CDH12: variants seen among roughly 807,000 people sequenced by gnomAD.
The protein encoded by CDH12 is cadherin 12.
Under a neutral mutation model 74.1 loss-of-function variants are expected in CDH12, and 41 were observed. The observed-to-expected ratio is 0.55, with a 90% CI of 0.43 to 0.72. The LOEUF (loss-of-function observed/expected upper bound fraction) is 0.72, where lower values mean the gene tolerates loss of function less well. Among genes scored for constraint, CDH12 ranks in the 30% least tolerant of loss-of-function variants. The probability of loss-of-function intolerance (pLI) is 0.00; values close to 1 mark genes in which losing one functional copy is unlikely to be tolerated. For missense variants in CDH12, 945 were observed against 977.2 expected, an observed-to-expected ratio of 0.97 and a Z score of 0.44; for synonymous variants, 399 against 355.0, an observed-to-expected ratio of 1.12 and a Z score of -1.39.
intron 1 of CDH12, among the ~76,000 whole-genome samples, chr5:22,638,123 C>T (rs1221633815): frequency 6.6e-6 from 1 of 152,150 alleles, no homozygotes; most frequent in Admixed American, 6.5e-5. Context: ...AATGAGGGAA[C>T]TCATGTATTA....
intron 3 of CDH12, among the ~76,000 whole-genome samples, chr5:22,327,948 C>CTGTA (rs1183816450): frequency 6.6e-6 from 1 of 152,106 alleles, no homozygotes; most frequent in African/African-American, 2.4e-5. Flanking sequence ...TGTTAGCTGG[C>CTGTA]TGTATATCCA....
intron 9 of CDH12, among the ~76,000 whole-genome samples, chr5:21,814,295 A>C (rs1747923853): frequency 6.6e-6 from 1 of 152,100 alleles, no homozygotes; most frequent in Non-Finnish European, 1.5e-5. Context: ...AGAAGAATAA[A>C]AATTCTAAAT....
rs552049709 is a variant in CDH12 at position 22,641,461 on chromosome 5, C to T, written c.-522-136097G>A. Among the ~76,000 whole-genome samples the T allele has an allele frequency of 5.3e-5, 8 of 152,140 alleles. No homozygotes were observed. The South Asian group carries it at 1.7e-3, about 32-fold the overall frequency. ...CTGTCCTCATAGAGAGCAGATCTTCCCCACTTGGTCTGCTGAATCACACAC... is the reference window on the plus strand; with the variant it reads ...CTGTCCTCATAGAGAGCAGATCTTCTCCACTTGGTCTGCTGAATCACACAC... On this transcript the variant is annotated intron_variant, in intron 1 of 14. Transcript: ENST00000382254.
chr5:22,608,938 G>C (rs1737256179), intron 1 of CDH12, among the ~76,000 whole-genome samples: 1 of 152,028 alleles, frequency 6.6e-6, no homozygotes, highest in African/African-American at 2.4e-5. Flanking sequence ...CTTTATAGTG[G>C]TGTGAGGACA....
intron 10 of CDH12, among the ~76,000 whole-genome samples, chr5:21,789,164 T>C (rs989297464): frequency 6.6e-6 from 1 of 152,190 alleles, no homozygotes; most frequent in African/African-American, 2.4e-5. Context: ...GATAATTGTA[T>C]GTATTATATA....
intron 1 of CDH12, among the ~76,000 whole-genome samples, chr5:22,706,883 AG>A (rs1743035465): frequency 6.6e-6 from 1 of 152,154 alleles, no homozygotes; most frequent in Admixed American, 6.6e-5. Context: ...ATTCTGAAAA[AG>A]GGGGAAAATC....
At chr5:22,491,310 C>T (rs936405840) in intron 2 of CDH12, among the ~76,000 whole-genome samples, 47 of 152,204 alleles carry the variant, frequency 3.1e-4, no homozygotes, top group African/African-American at 1.1e-3. Flanking sequence ...ATTCATGTTG[C>T]TGCAAAGCAC....
chr5:22,308,772 T>C (rs1738236220), intron 3 of CDH12, among the ~76,000 whole-genome samples: 1 of 150,704 alleles, frequency 6.6e-6, no homozygotes. Flanking sequence ...AAGGATATTA[T>C]TCAGCCTACA....
At chr5:22,172,080 A>G (rs1246305998) in intron 4 of CDH12, among the ~76,000 whole-genome samples, 3 of 151,940 alleles carry the variant, frequency 2.0e-5, no homozygotes, top group African/African-American at 7.2e-5. Context: ...TGCAGAAAAC[A>G]AATTACAGAA....
chr5:22,611,839 T>A (rs929715043), intron 1 of CDH12, among the ~76,000 whole-genome samples: 1 of 151,970 alleles, frequency 6.6e-6, no homozygotes, highest in African/African-American at 2.4e-5. Flanking sequence ...CACAGAAGAG[T>A]GCAGAGTGGA....
chr5:22,564,510 G>A (rs1739203017), intron 1 of CDH12, among the ~76,000 whole-genome samples: 1 of 152,040 alleles, frequency 6.6e-6, no homozygotes, highest in Non-Finnish European at 1.5e-5. Flanking sequence ...TGTAATAATT[G>A]TAATATTTTA....
At chr5:22,712,032 A>G (rs1743315762) in intron 1 of CDH12, among the ~76,000 whole-genome samples, 1 of 152,008 alleles carries the variant, frequency 6.6e-6, no homozygotes, top group Non-Finnish European at 1.5e-5. Flanking sequence ...GTTTATGCAC[A>G]TGTCTATTCC....
intron 6 of CDH12, among the ~76,000 whole-genome samples, chr5:21,936,965 CTT>C (rs1755101407): frequency 6.6e-6 from 1 of 152,172 alleles, no homozygotes; most frequent in African/African-American, 2.4e-5. Context: ...AAGTAAGCCT[CTT>C]TTGTTTATAA....
At chr5:22,206,083 T>G (rs2150358403) in intron 4 of CDH12, among the ~76,000 whole-genome samples, 1 of 152,276 alleles carries the variant, frequency 6.6e-6, no homozygotes, top group South Asian at 2.1e-4. Context: ...TCAAGAAGGT[T>G]GATCAACATC....
intron 1 of CDH12, among the ~76,000 whole-genome samples, chr5:22,844,315 C>T (rs1737207840): frequency 6.6e-6 from 1 of 152,076 alleles, no homozygotes; most frequent in African/African-American, 2.4e-5. Context: ...ACATGACCCA[C>T]ATTAATGTTA....
At chr5:22,046,979 G>T (rs1295506637) in intron 5 of CDH12, among the ~76,000 whole-genome samples, 2 of 152,148 alleles carry the variant, frequency 1.3e-5, no homozygotes, top group Non-Finnish European at 2.9e-5. Context: ...AGGGCTAGCT[G>T]CCCACTGTAG....
chr5:22,412,484 C>T (rs1743205987), intron 2 of CDH12, among the ~76,000 whole-genome samples: 1 of 151,976 alleles, frequency 6.6e-6, no homozygotes, highest in South Asian at 2.1e-4. Context: ...CCTCCATAAG[C>T]TAAACACTTT....
intron 2 of CDH12, among the ~76,000 whole-genome samples, chr5:22,430,604 A>T (rs1352306646): frequency 6.6e-6 from 1 of 152,150 alleles, no homozygotes; most frequent in Non-Finnish European, 1.5e-5. Flanking sequence ...GCAAGAGTAC[A>T]TCCGCATCTC....
chr5:22,330,829 T>C (rs1032144866), intron 3 of CDH12, among the ~76,000 whole-genome samples: 5 of 146,690 alleles, frequency 3.4e-5, no homozygotes, highest in Admixed American at 1.4e-4. Context: ...TACTGTGGAG[T>C]AGAGCAATAA....
Sources: allele counts gnomAD v4.1 joint callset (sites outside exome capture counted in the v4.1 genomes callset), GRCh38; gene constraint gnomAD v4.1.1; transcripts MANE v1.5; gene names NCBI Gene and HGNC (gene_info 2026-07-23, HGNC 2026-07-21).